PPP1R9A: variants seen among roughly 807,000 people sequenced by gnomAD.
The protein encoded by PPP1R9A is neurabin-1.
In PPP1R9A, 59 loss-of-function variants were observed where a neutral mutation model predicts 141.9. The observed-to-expected ratio is 0.42, with a 90% CI of 0.34 to 0.52. The LOEUF is 0.52. Among genes scored for constraint, PPP1R9A ranks in the 20% least tolerant of loss-of-function variants. The pLI is 0.10. For synonymous variants in PPP1R9A, 500 were observed against 569.7 expected, an observed-to-expected ratio of 0.88 and a Z score of 1.74; for missense variants, 1,444 against 1,611.9, an observed-to-expected ratio of 0.90 and a Z score of 1.78.
intron 4 of PPP1R9A, among the ~76,000 whole-genome samples, chr7:95,152,663 A>G (rs1360262614): frequency 6.6e-6 from 1 of 152,072 alleles, no homozygotes; most frequent in Admixed American, 6.6e-5. Flanking sequence ...TACATCACCT[A>G]CATAGTTACA....
At chr7:95,252,156 C>G (rs1195523173) in intron 12 of PPP1R9A, 26 bp downstream of exon 12, 4 of 1,535,002 alleles carry the variant, frequency 2.6e-6, no homozygotes, top group Non-Finnish European at 2.6e-6. Flanking sequence ...CCACAAAAAT[C>G]ATTTTTGATG....
intron 9 of PPP1R9A, among the ~76,000 whole-genome samples, chr7:95,249,103 G>A (rs1045008554): frequency 6.6e-6 from 1 of 151,966 alleles, no homozygotes; most frequent in Non-Finnish European, 1.5e-5. Context: ...TAGAAATGAG[G>A]GTATTAGACT....
At chr7:95,114,591 TTAAAC>T (rs1247046914) in intron 3 of PPP1R9A, among the ~76,000 whole-genome samples, 3 of 151,844 alleles carry the variant, frequency 2.0e-5, no homozygotes, top group African/African-American at 7.3e-5. Context: ...ATACTAAAAA[TTAAAC>T]TAGAAGGTAA....
At chr7:95,123,832 C>A (rs1215318004) in intron 4 of PPP1R9A, among the ~76,000 whole-genome samples, 1 of 152,020 alleles carries the variant, frequency 6.6e-6, no homozygotes, top group Non-Finnish European at 1.5e-5. Context: ...TGTGAATAAC[C>A]TTCCATAGTG....
intron 4 of PPP1R9A, among the ~76,000 whole-genome samples, chr7:95,137,415 C>CAAAAAAAAAAAAAAAAAAAAAAAAAAAA (rs33928009): frequency 1.1e-5 from 1 of 91,522 alleles, no homozygotes; most frequent in African/African-American, 4.3e-5. Flanking sequence ...GACATGAACT[C>CAAAAAAAAAAAAAAAAAAAAAAAAAAAA]AAAAAAAAAA....
chr7:95,061,913 A>G (rs1182967815), intron 2 of PPP1R9A, among the ~76,000 whole-genome samples: 1 of 152,230 alleles, frequency 6.6e-6, no homozygotes, highest in Non-Finnish European at 1.5e-5. Flanking sequence ...TAATGAAGAT[A>G]TAATTTGCTG....
In PPP1R9A at chr7:94,910,589, A is replaced by G. The variant is rs1424499845; in HGVS notation, c.476A>G (p.Tyr159Cys). Residue 159 changes from tyrosine to cysteine, a missense_variant, in exon 2 of 20, where the codon TAT becomes TGT. Tyr to Cys is a radical substitution (Grantham distance 194). This residue lies in a region of PPP1R9A where 490 missense variants were observed against 521.1 expected (regional missense o/e 0.94). Transcript: ENST00000433360. The surrounding 1 kb of genome is among the most constrained non-coding windows in gnomAD (Gnocchi z 4.5). ...CATGAATCAGGACAGAACAACCGCTATTCCCCAAAGAAAGAGAAAGCTGGA... is the reference window on the plus strand; with the variant it reads ...CATGAATCAGGACAGAACAACCGCTGTTCCCCAAAGAAAGAGAAAGCTGGA... ...SVHESGQNNR[Y>C]SPKKEKAGGS... 6.2e-7 allele frequency: 1 copy of G among 1,614,068 alleles called. No individual in the cohort carries two copies. The highest frequency in any genetic ancestry group is 8.5e-7 in the Non-Finnish European group (1 of 1,180,042).
chr7:95,141,888 T>G (rs1199766352), intron 4 of PPP1R9A, among the ~76,000 whole-genome samples: 1 of 152,152 alleles, frequency 6.6e-6, no homozygotes, highest in African/African-American at 2.4e-5. Flanking sequence ...TGGGAATATA[T>G]CTAGTGGTAG....
At chr7:95,218,878 G>T (rs1379148059) in intron 7 of PPP1R9A, among the ~76,000 whole-genome samples, 1 of 151,988 alleles carries the variant, frequency 6.6e-6, no homozygotes, top group African/African-American at 2.4e-5. Flanking sequence ...ACATGAGATG[G>T]GTTTCCTGAA....
At chr7:95,119,904 A>G (rs1822223138) in intron 3 of PPP1R9A, among the ~76,000 whole-genome samples, 1 of 151,326 alleles carries the variant, frequency 6.6e-6, no homozygotes, top group Non-Finnish European at 1.5e-5. Context: ...GTTGATGAGT[A>G]TATATTCTTG....
At chr7:95,070,668 G>C (rs996565497) in intron 2 of PPP1R9A, among the ~76,000 whole-genome samples, 1 of 145,848 alleles carries the variant, frequency 6.9e-6, no homozygotes, top group Non-Finnish European at 1.5e-5. Context: ...ACTTTTGTCA[G>C]AATTCATGTA....
At chr7:95,242,791 T>G (rs1346306369) in intron 8 of PPP1R9A, among the ~76,000 whole-genome samples, 1 of 152,122 alleles carries the variant, frequency 6.6e-6, no homozygotes, top group East Asian at 1.9e-4. Context: ...TAACCTTTTC[T>G]TTTTATTTAT....
At chr7:94,998,534 G>T (rs1277624893) in intron 2 of PPP1R9A, among the ~76,000 whole-genome samples, 1 of 151,992 alleles carries the variant, frequency 6.6e-6, no homozygotes, top group Non-Finnish European at 1.5e-5. Context: ...TTGATTTTGA[G>T]CTGTTTCAGC....
chr7:95,145,768 G>A (rs947451795), intron 4 of PPP1R9A, among the ~76,000 whole-genome samples: 4 of 152,158 alleles, frequency 2.6e-5, no homozygotes, highest in African/African-American at 4.8e-5. Context: ...TTCTGTTCCT[G>A]TGTTAGTTTG....
chr7:95,084,978 A>T (rs1816407859), intron 2 of PPP1R9A, among the ~76,000 whole-genome samples: 1 of 151,956 alleles, frequency 6.6e-6, no homozygotes, highest in South Asian at 2.1e-4. Flanking sequence ...ATGTATCTTT[A>T]CCGTTAGTGT....
At chr7:95,157,598 G>A (rs1320765431) in intron 4 of PPP1R9A, among the ~76,000 whole-genome samples, 1 of 152,202 alleles carries the variant, frequency 6.6e-6, no homozygotes, top group African/African-American at 2.4e-5. Context: ...TCGGCGTGAT[G>A]GCAGCGGCAG....
chr7:95,217,429 C>CT (rs944404538), intron 7 of PPP1R9A, among the ~76,000 whole-genome samples: 15 of 151,162 alleles, frequency 9.9e-5, no homozygotes, highest in Admixed American at 3.3e-4. Context: ...CTAAAATTCT[C>CT]TTTTTTTTTG....
chr7:95,080,169 G>T (rs1815571505), intron 2 of PPP1R9A, among the ~76,000 whole-genome samples: 4 of 152,214 alleles, frequency 2.6e-5, no homozygotes, highest in African/African-American at 7.2e-5. Context: ...CAGATGACAT[G>T]ATTGTATAGC....
At position 95,216,081 on chromosome 7, in the gene PPP1R9A, T is replaced by G. The variant is rs575560855; in HGVS notation, c.1957-9880T>G. Among the ~76,000 whole-genome samples the G allele has an allele frequency of 2.0e-5, 3 of 152,348 alleles. No individual in the cohort carries two copies. In the South Asian group the frequency reaches 6.2e-4, roughly 32 times the overall value. ...GTTCTGAATGGTATTGCCTAGGTTT[T>G]CCTCTAGGGTTTTTATGGTTTTAGG... On this transcript the variant is annotated intron_variant, in intron 7 of 19. Transcript: ENST00000433360.
Sources: gnomAD v4.1 joint callset for allele counts (sites outside exome capture counted in the v4.1 genomes callset) on GRCh38, gnomAD v4.1.1 for gene constraint, gnomAD v4.1.1 regional missense constraint, Gnocchi (gnomAD v3.1) non-coding constraint, MANE v1.5 for transcripts, NCBI Gene and HGNC (gene_info 2026-07-23, HGNC 2026-07-21) for gene names.